The following TBC1D9B variants were observed in gnomAD, a reference collection of about 807,000 sequenced individuals.
TBC1D9B encodes TBC1 domain family member 9B, also known as TBC1 domain family, member 9B (with GRAM domain).
TBC1D9B carries 87 observed loss-of-function variants against 121.1 expected under a neutral mutation model. The observed-to-expected ratio is 0.72, with a 90% CI of 0.60 to 0.86. The LOEUF is 0.86. Among genes scored for constraint, TBC1D9B ranks in the 40% least tolerant of loss-of-function variants. TBC1D9B has a pLI of 0.00. For missense variants in TBC1D9B, 1,540 were observed against 1,628.6 expected (o/e 0.95, Z 0.94); for synonymous variants, 668 against 670.1 (o/e 1.00, Z 0.05).
At chr5:179,898,794 C>T (rs796306305) in intron 3 of TBC1D9B, among the ~76,000 whole-genome samples, 13 of 152,218 alleles carry the variant, frequency 8.5e-5, no homozygotes, top group East Asian at 1.9e-4. Flanking sequence ...GTAGGGTAAA[C>T]GCCAAGAATG....
At chr5:179,867,541 A>G (rs1431760462) in intron 18 of TBC1D9B, 2 of 1,551,564 alleles carry the variant, frequency 1.3e-6, no homozygotes, top group Non-Finnish European at 1.7e-6. Flanking sequence ...AGTGGGGAGG[A>G]GCCAAGGTCC....
chr5:179,868,737 AC>A, intron 17 of TBC1D9B: 1 of 152,508 alleles, frequency 6.6e-6, no homozygotes, highest in Non-Finnish European at 1.5e-5. Flanking sequence ...ACCAAGCAGT[AC>A]CCAGGGTTGC....
rs777049753 is a variant in TBC1D9B at position 179,907,815 on chromosome 5, G to A, written c.7C>T (p.Leu3=). Residue 3 remains leucine (L), a synonymous_variant, in exon 1 of 21, where the codon CTG becomes TTG. Transcript: ENST00000355235. The surrounding 1 kb of genome is among the most constrained non-coding windows in gnomAD (Gnocchi z 5.3). ...GCCACCAGCACCTCCTCCGGGCTCA[G>A]CCACATCGCGGAGCCGCTCGCACCG... MW[L]SPEEVLVANA... The A allele has an allele frequency of 3.4e-6, 4 of 1,185,948 alleles. No individual in the cohort carries two copies. In the South Asian group the frequency reaches 6.5e-5, roughly 19 times the overall value. 73.5% of individuals were successfully genotyped at this position (1,185,948 alleles called of 1,614,324 possible). A position where few individuals can be genotyped will look rare whatever the true frequency, so the allele number is the denominator to read the frequency against.
chr5:179,866,049 C>T (rs1294091851), intron 18 of TBC1D9B, 161 bp from the exon 19 acceptor site: 2 of 741,966 alleles, frequency 2.7e-6, no homozygotes, highest in Admixed American at 2.5e-5. Context: ...CTGGCCCGCC[C>T]AGCCCCGCCC....
chr5:179,865,395 A>C lies in TBC1D9B; in HGVS notation c.2915-35T>G, dbSNP rs572860919. Reference sequence around the variant, plus strand: ...AGGAGGAAAGAGATTAATCTTTGTCATGTGAGACGGCTGCGGGCTGACAGC... The same window carrying C: ...AGGAGGAAAGAGATTAATCTTTGTCCTGTGAGACGGCTGCGGGCTGACAGC... On this transcript the variant is annotated intron_variant, in intron 19 of 20. Coordinates refer to ENST00000355235, the MANE Select transcript of TBC1D9B (RefSeq NM_015043.4). This position sits in a 1 kb window ranked among gnomAD's most constrained non-coding sequence, Gnocchi z 5.1. The C allele has an allele frequency of 3.1e-5, 50 of 1,597,034 alleles. No homozygotes were observed. Among genetic ancestry groups the C allele is most frequent in the Non-Finnish European group, 4.3e-5 (50 of 1,164,836 alleles).
Position 179,876,013 on chromosome 5 carries a change from G to A in TBC1D9B, c.1807C>T (p.Leu603Phe). Residue 603 changes from leucine (L) to phenylalanine (F), a missense_variant, in exon 11 of 21, where the codon CTC (leucine) becomes TTC (phenylalanine). By Grantham distance (22) the Leu-to-Phe change is conservative (BLOSUM62 0). Coordinates refer to ENST00000355235, the MANE Select transcript of TBC1D9B (RefSeq NM_015043.4). ...CQAMNIVTSV[L>F]LLYGSEEEAF... is the part of the protein sequence containing the mutation. ...TCCTCCTCACTGCCATAGAGCAGGA[G>A]CACCGAGGTCACGATGTTCATTGCC... 6.2e-7 allele frequency: 1 copy of A among 1,612,884 alleles called. No homozygotes were observed. Among genetic ancestry groups the A allele is most frequent in the Non-Finnish European group, 8.5e-7 (1 of 1,179,646 alleles).
chr5:179,882,784 G>C (rs1372050769), intron 7 of TBC1D9B, among the ~76,000 whole-genome samples: 1 of 152,144 alleles, frequency 6.6e-6, no homozygotes, highest in Non-Finnish European at 1.5e-5. Context: ...GGGAGGCAGA[G>C]GTTGCAGTGA....
rs1760851133 is a variant in TBC1D9B, at chr5:179,891,189, C to T, written c.1044+190G>A. Among the ~76,000 whole-genome samples, 1 of 152,214 alleles carries T rather than the reference C, an allele frequency of 6.6e-6. No individual in the cohort carries two copies. Among genetic ancestry groups the T allele is most frequent in the Non-Finnish European group, 1.5e-5 (1 of 68,022 alleles). On this transcript the variant is annotated intron_variant, in intron 6 of 20. Transcript: ENST00000355235. The surrounding 1 kb of genome is among the most constrained non-coding windows in gnomAD (Gnocchi z 4.3). ...ACCTGCCTCCCCAACAGGGCAGGTG[C>T]CTGTGGAGGGGCTCACTTGTCCTAC... is the stretch of plus-strand genomic sequence containing the variant.
In TBC1D9B at chr5:179,863,627, C is replaced by T. The variant is rs374483912; in HGVS notation, c.3523G>A (p.Val1175Ile). The change falls in exon 21 of 21, where the codon GTC becomes ATC. Residue 1175 changes from valine to isoleucine, a missense_variant. By Grantham distance (29) the Val-to-Ile change is conservative (BLOSUM62 3). Coordinates refer to ENST00000355235, the MANE Select transcript of TBC1D9B (RefSeq NM_015043.4). This position sits in a 1 kb window ranked among gnomAD's most constrained non-coding sequence, Gnocchi z 4.5. ...AAGGAGATGCACCAGTCGGTGTCGA[C>T]GGTGCCGCCGATGCGCGCTGTGGGG... ...CSPTARIGGT[V>I]DTDWCISFEQ... 3.4e-5 allele frequency: 55 copies of T among 1,613,696 alleles called. No individual in the cohort carries two copies. Among genetic ancestry groups the T allele is most frequent in the African/African-American group, 1.9e-4 (14 of 74,948 alleles).
chr5:179,866,917 AC>A (rs1760029293), intron 18 of TBC1D9B: 1 of 155,002 alleles, frequency 6.5e-6, no homozygotes, highest in African/African-American at 2.4e-5. Flanking sequence ...GCTGCATGTC[AC>A]CAGCTCGACT....
chr5:179,878,354 C>T lies in TBC1D9B; in HGVS notation c.1737G>A (p.Val579=), dbSNP rs1561638515. 4 of 1,613,852 alleles carry T rather than the reference C, an allele frequency of 2.5e-6. No homozygotes were observed. Among genetic ancestry groups the T allele is most frequent in the Non-Finnish European group, 2.5e-6 (3 of 1,179,964 alleles). ...NELGIAALRR[V]LTAYAFRNPT... is the part of the protein sequence containing the mutation. ...GGTTTCGGAAGGCATAGGCAGTCAG[C>T]ACCCGCCGGAGGGCAGCAATCCCCA... The change falls in exon 10 of 21, where the codon GTG becomes GTA. Residue 579 remains valine (V), a synonymous_variant. Coordinates refer to ENST00000355235, the MANE Select transcript of TBC1D9B (RefSeq NM_015043.4).
intron 2 of TBC1D9B, among the ~76,000 whole-genome samples, chr5:179,903,984 G>A (rs1216857046): frequency 6.6e-6 from 1 of 152,174 alleles, no homozygotes; most frequent in Non-Finnish European, 1.5e-5. Context: ...GTCCATGAGT[G>A]TCTCCAAATG....
At chr5:179,882,686 CA>C (rs1046821362) in intron 7 of TBC1D9B, among the ~76,000 whole-genome samples, 7 of 152,040 alleles carry the variant, frequency 4.6e-5, no homozygotes, top group African/African-American at 1.7e-4. Flanking sequence ...CCCATCTCTA[CA>C]AAAAATACAA....
At chr5:179,877,664 CAA>C (rs564753950) in intron 10 of TBC1D9B, among the ~76,000 whole-genome samples, 8 of 66,678 alleles carry the variant, frequency 1.2e-4, no homozygotes, top group Non-Finnish European at 2.1e-4. Context: ...GATTCTATCT[CAA>C]AAAAAAAAAA....
intron 7 of TBC1D9B, chr5:179,880,120 T>G: frequency 2.9e-6 from 1 of 342,554 alleles, no homozygotes; most frequent in South Asian, 4.4e-5. Flanking sequence ...TATCCTAACG[T>G]GGAGGCACAC....
chr5:179,883,488 G>C (rs1016533965), intron 7 of TBC1D9B, among the ~76,000 whole-genome samples: 5 of 151,232 alleles, frequency 3.3e-5, no homozygotes, highest in African/African-American at 1.2e-4. Context: ...TTACCTTAAT[G>C]TATTTTCATT....
intron 10 of TBC1D9B, among the ~76,000 whole-genome samples, chr5:179,876,948 G>A (rs1232965848): frequency 6.6e-6 from 1 of 151,280 alleles, no homozygotes; most frequent in East Asian, 2.0e-4. Flanking sequence ...GTGTGTACCT[G>A]TAGTTCCAGC....
Position 179,894,557 on chromosome 5 carries a change from TC to T in TBC1D9B, c.405del (p.Lys136SerfsTer7). The T allele has an allele frequency of 6.2e-7, 1 of 1,614,188 alleles. No homozygotes were observed. On this transcript the variant is annotated frameshift_variant, in exon 4 of 21. Transcript: ENST00000355235. LOFTEE classifies it high-confidence loss of function. ...NLQPQGDEDP[G>X]KFKEAELKMR... The stretch of plus-strand genomic sequence containing the variant: ...ATCTTCAGCTCAGCCTCCTTGAACT[TC>T]CCGGGGTCCTCGTCTCCCTGGGGCT...
At chr5:179,869,688 T>C (rs1177125066) in intron 17 of TBC1D9B, 81 bp downstream of exon 17, 2 of 1,496,344 alleles carry the variant, frequency 1.3e-6, no homozygotes, top group Middle Eastern at 1.7e-4. Context: ...GGCCCCACAG[T>C]CTCACAGAGG....
Sources: allele counts gnomAD v4.1 joint callset (sites outside exome capture counted in the v4.1 genomes callset), GRCh38; gene constraint gnomAD v4.1.1; non-coding constraint Gnocchi (gnomAD v3.1); transcripts MANE v1.5; gene names NCBI Gene and HGNC (gene_info 2026-07-23, HGNC 2026-07-21).